Variants in KLHL1 observed in about 807,000 individuals in gnomAD.
KLHL1 encodes the protein kelch like family member 1.
A neutral mutation model predicts 77.7 loss-of-function variants in KLHL1; 47 were observed. The observed-to-expected ratio is 0.60, with a 90% CI of 0.48 to 0.77. The LOEUF is 0.77. KLHL1 is among the 30% of genes least tolerant of loss of function. KLHL1 has a pLI of 0.00. For missense variants in KLHL1, 925 were observed against 910.8 expected (o/e 1.02, Z -0.20); for synonymous variants, 360 against 325.2 (o/e 1.11, Z -1.15).
chr13:69,833,444 AT>A (rs55992117), intron 6 of KLHL1, among the ~76,000 whole-genome samples: 8,692 of 147,910 alleles, frequency 0.059, 379 homozygotes, highest in African/African-American at 0.13. Context: ...TTGTCAAAAA[AT>A]AAAAAAAAAT....
rs1009544112 is a variant in KLHL1, at chr13:69,969,697, TA to T, written c.680+5922del. On this transcript the variant is annotated intron_variant, in intron 2 of 10. Transcript: ENST00000377844. ...AACATACTAAATACTGCTAACTCATTAAAAAAAACTGCAGAAAAGTTTATAC... is the reference window on the plus strand; with the variant it reads ...AACATACTAAATACTGCTAACTCATTAAAAAAACTGCAGAAAAGTTTATAC... Among the ~76,000 whole-genome samples the T allele has an allele frequency of 8.8e-4, 133 of 151,846 alleles. 1 individual carries two copies. The highest frequency in any genetic ancestry group is 2.5e-3 in the African/African-American group (103 of 41,474).
chr13:69,846,160 T>G (rs1026806428), intron 5 of KLHL1, among the ~76,000 whole-genome samples: 1 of 151,570 alleles, frequency 6.6e-6, no homozygotes, highest in Non-Finnish European at 1.5e-5. Flanking sequence ...TTCTGGTTTA[T>G]GTATATACAA....
intron 5 of KLHL1, among the ~76,000 whole-genome samples, chr13:69,877,545 C>T (rs1219135843): frequency 2.6e-5 from 4 of 151,724 alleles, no homozygotes; most frequent in Admixed American, 2.6e-4. Context: ...AATTGTGAAG[C>T]CTCAGGCTAT....
At position 69,843,911 on chromosome 13, in the gene KLHL1, C is replaced by T. The variant is rs576000147; in HGVS notation, c.1228-4749G>A. 4.6e-5 allele frequency among the ~76,000 whole-genome samples: 7 copies of T among 151,448 alleles called. No homozygotes were observed. In the East Asian group the frequency reaches 5.9e-4, roughly 13 times the overall value. On this transcript the variant is annotated intron_variant, in intron 5 of 10. Coordinates refer to ENST00000377844, the MANE Select transcript of KLHL1 (RefSeq NM_020866.3). ...TGTTGGTGTGCTGCACCCATTAACT[C>T]GTCATTTACATTTACTTGGACAACT...
In KLHL1 at chr13:69,701,690, A is replaced by G; in HGVS notation, c.*12T>C. ...CAGCAAGTAAAATCTTTCCAAGTAA[A>G]ATATCAATAAGTCAAGGTTGCTTGA... On this transcript the variant is annotated 3_prime_UTR_variant, in exon 11 of 11. Transcript: ENST00000377844. 1 of 1,594,156 alleles carries G rather than the reference A, an allele frequency of 6.3e-7. No individual in the cohort carries two copies. The highest frequency in any genetic ancestry group is 8.6e-7 in the Non-Finnish European group (1 of 1,165,562).
At chr13:69,719,171 TAAAAG>T (rs1459327375) in intron 9 of KLHL1, among the ~76,000 whole-genome samples, 193 bp downstream of exon 9, 4 of 147,174 alleles carry the variant, frequency 2.7e-5, no homozygotes, top group African/African-American at 7.6e-5. Context: ...AATAAGAAAA[TAAAAG>T]AAAGTACGTG....
At chr13:69,757,523 T>C (rs1874804827) in intron 7 of KLHL1, among the ~76,000 whole-genome samples, 1 of 152,204 alleles carries the variant, frequency 6.6e-6, no homozygotes, top group African/African-American at 2.4e-5. Context: ...TTATTTCTAT[T>C]TTGGATGCTT....
intron 1 of KLHL1, among the ~76,000 whole-genome samples, chr13:70,082,429 C>A (rs908345213): frequency 6.7e-6 from 1 of 150,326 alleles, no homozygotes; most frequent in South Asian, 2.1e-4. Flanking sequence ...AAGGTCCAGG[C>A]TGGGGAAAGG....
At chr13:69,933,879 G>T (rs1404628425) in intron 4 of KLHL1, among the ~76,000 whole-genome samples, 1 of 151,876 alleles carries the variant, frequency 6.6e-6, no homozygotes, top group Non-Finnish European at 1.5e-5. Context: ...CCATTTGTCT[G>T]AAGGAATTCA....
chr13:69,910,982 G>T (rs935583969), intron 4 of KLHL1, among the ~76,000 whole-genome samples: 9 of 152,028 alleles, frequency 5.9e-5, no homozygotes, highest in Non-Finnish European at 1.3e-4. Context: ...AGAATAATCT[G>T]CAGTACTATC....
intron 1 of KLHL1, among the ~76,000 whole-genome samples, chr13:70,066,008 A>C (rs1451649085): frequency 6.6e-6 from 1 of 152,238 alleles, no homozygotes; most frequent in Non-Finnish European, 1.5e-5. Context: ...AACTAAAGAC[A>C]TTGATAAATA....
intron 8 of KLHL1, among the ~76,000 whole-genome samples, chr13:69,721,379 T>C (rs1284151924): frequency 6.6e-6 from 1 of 151,406 alleles, no homozygotes; most frequent in East Asian, 2.0e-4. Flanking sequence ...CCAACCACCT[T>C]TGGCACACAT....
intron 7 of KLHL1, among the ~76,000 whole-genome samples, chr13:69,744,664 C>G (rs1042959820): frequency 2.2e-4 from 33 of 151,744 alleles, no homozygotes; most frequent in African/African-American, 6.5e-4. Flanking sequence ...GTACACCCCC[C>G]CCAAAAGCTA....
At chr13:69,785,104 G>T (rs1876452527) in intron 7 of KLHL1, among the ~76,000 whole-genome samples, 1 of 151,416 alleles carries the variant, frequency 6.6e-6, no homozygotes, top group Non-Finnish European at 1.5e-5. Context: ...ATTTTAGCCG[G>T]GATGGTCTCG....
At chr13:70,091,119 TG>T (rs1887662804) in intron 1 of KLHL1, among the ~76,000 whole-genome samples, 1 of 152,118 alleles carries the variant, frequency 6.6e-6, no homozygotes, top group Non-Finnish European at 1.5e-5. Flanking sequence ...AGGAGTATTC[TG>T]TTTTCTATCA....
chr13:69,712,587 A>G (rs1006129821), intron 9 of KLHL1, among the ~76,000 whole-genome samples: 1 of 152,080 alleles, frequency 6.6e-6, no homozygotes, highest in Non-Finnish European at 1.5e-5. Flanking sequence ...ATAATTTAAT[A>G]ATAAGCCTTT....
rs114122507 is a variant in KLHL1, at chr13:69,763,159, C to G, written c.1640-22603G>C. ...GCAAAGGCCACGGTTGCACAACAGACTTCATTAAATTTTCTTACTAGAGTT... is the reference window on the plus strand; with the variant it reads ...GCAAAGGCCACGGTTGCACAACAGAGTTCATTAAATTTTCTTACTAGAGTT... On this transcript the variant is annotated intron_variant, in intron 7 of 10. Transcript: ENST00000377844. Among the ~76,000 whole-genome samples the G allele has an allele frequency of 6.0e-3, 920 of 152,254 alleles. 8 individuals are homozygous for G. Among genetic ancestry groups the G allele is most frequent in the African/African-American group, 0.02 (836 of 41,540 alleles).
intron 1 of KLHL1, among the ~76,000 whole-genome samples, chr13:70,057,469 CA>C (rs56235725): frequency 0.082 from 7,091 of 87,000 alleles, 294 homozygotes; most frequent in African/African-American, 0.19. Flanking sequence ...AAAGACACAT[CA>C]AAAAAAAAAA....
At chr13:70,055,891 CAG>C (rs1473595345) in intron 1 of KLHL1, among the ~76,000 whole-genome samples, 1 of 151,584 alleles carries the variant, frequency 6.6e-6, no homozygotes, top group African/African-American at 2.4e-5. Context: ...AAAAGGAAGA[CAG>C]AAAGAAAGGG....
Sources: gnomAD v4.1 joint callset for allele counts (sites outside exome capture counted in the v4.1 genomes callset) on GRCh38, gnomAD v4.1.1 for gene constraint, MANE v1.5 for transcripts, NCBI Gene and HGNC (gene_info 2026-07-23, HGNC 2026-07-21) for gene names.